Variants in MYOCD observed in about 807,000 individuals in gnomAD.
The protein encoded by MYOCD is myocardin.
Under a neutral mutation model 96.1 loss-of-function variants are expected in MYOCD, and 32 were observed. That is an observed-to-expected ratio of 0.33 (90% CI 0.25 to 0.45). MYOCD has a LOEUF of 0.45. Ranked by LOEUF, MYOCD falls within the 20% of genes least tolerant of loss-of-function variation. The probability of loss-of-function intolerance (pLI) is 1.00; values close to 1 mark genes in which losing one functional copy is unlikely to be tolerated. For missense variants in MYOCD, 1,133 were observed against 1,200.6 expected, an observed-to-expected ratio of 0.94 and a Z score of 0.83; for synonymous variants, 469 against 469.0, an observed-to-expected ratio of 1.00 and a Z score of 0.00.
At chr17:12,749,522 C>G (rs2032765101) in intron 9 of MYOCD, among the ~76,000 whole-genome samples, 1 of 140,748 alleles carries the variant, frequency 7.1e-6, no homozygotes, top group African/African-American at 2.6e-5. Context: ...GAGCGAGACT[C>G]TGTCTCAAAA....
chr17:12,669,075 G>A (rs72811262), intron 1 of MYOCD, among the ~76,000 whole-genome samples: 21,196 of 152,176 alleles, frequency 0.14, 1,716 homozygotes, highest in African/African-American at 0.22. Flanking sequence ...AGGAGAGGCA[G>A]TTTTACATGA....
intron 1 of MYOCD, among the ~76,000 whole-genome samples, chr17:12,689,481 CA>C (rs1398456792): frequency 1.8e-4 from 27 of 152,206 alleles, no homozygotes; most frequent in African/African-American, 5.8e-4. Flanking sequence ...TATTATATGA[CA>C]AACAATATAT....
At chr17:12,727,102 A>T (rs567668024) in intron 5 of MYOCD, among the ~76,000 whole-genome samples, 29 of 152,302 alleles carry the variant, frequency 1.9e-4, no homozygotes, top group African/African-American at 7.0e-4. Context: ...GATGTATAAA[A>T]AGAGAAGAGG....
At chr17:12,713,301 G>A (rs921202367) in intron 2 of MYOCD, among the ~76,000 whole-genome samples, 9 of 152,116 alleles carry the variant, frequency 5.9e-5, no homozygotes, top group African/African-American at 2.2e-4. Context: ...CTACGAAGCT[G>A]AGATACAGGA....
At chr17:12,725,345 A>T (rs908410084) in intron 5 of MYOCD, among the ~76,000 whole-genome samples, 3 of 150,070 alleles carry the variant, frequency 2.0e-5, no homozygotes, top group Non-Finnish European at 4.4e-5. Context: ...AATAAAATAA[A>T]TTACATGTCA....
At chr17:12,734,497 C>T (rs1456611567) in intron 5 of MYOCD, among the ~76,000 whole-genome samples, 1 of 136,840 alleles carries the variant, frequency 7.3e-6, no homozygotes, top group African/African-American at 2.7e-5. Context: ...CAGTAATACA[C>T]ATGATCCTTT....
rs567285355 is a variant in MYOCD, at chr17:12,678,143, A to G, written c.55+11900A>G. On this transcript the variant is annotated intron_variant, in intron 1 of 13. Transcript: ENST00000425538. ...CCTGACCTCGTGATTTGCCCGCCTC[A>G]GCCTCCCAAAGTGCTGGGATTACAG... is the stretch of plus-strand genomic sequence containing the variant. 6.6e-5 allele frequency among the ~76,000 whole-genome samples: 10 copies of G among 152,012 alleles called. No homozygotes were observed. The South Asian group carries it at 1.7e-3, about 25-fold the overall frequency.
intron 4 of MYOCD, among the ~76,000 whole-genome samples, chr17:12,719,603 A>G (rs947305912): frequency 6.6e-6 from 1 of 151,534 alleles, no homozygotes; most frequent in Non-Finnish European, 1.5e-5. Flanking sequence ...CTGTAATCCT[A>G]GCACTTTGGG....
chr17:12,767,279 A>C lies in MYOCD; in HGVS notation c.*3635A>C, dbSNP rs934868629. 1.1e-4 allele frequency: 17 copies of C among 152,206 alleles called. No homozygotes were observed. The highest frequency in any genetic ancestry group is 3.4e-4 in the African/African-American group (14 of 41,466). The allele number at this position is 152,206 out of a possible 1,614,324, so 9.4% of individuals were successfully genotyped here. On this transcript the variant is annotated 3_prime_UTR_variant, in exon 14 of 14. Transcript: ENST00000425538. The stretch of plus-strand genomic sequence containing the variant: ...GAACTGTCAGCCTTTTGCCATTCAA[A>C]AACATTTATGTCCAACCTGAAAAAA...
intron 1 of MYOCD, among the ~76,000 whole-genome samples, chr17:12,689,818 G>A (rs562293128): frequency 1.3e-5 from 2 of 152,270 alleles, no homozygotes; most frequent in Non-Finnish European, 1.5e-5. Flanking sequence ...GTGACAGAGC[G>A]AGACTCAGTC....
intron 1 of MYOCD, among the ~76,000 whole-genome samples, chr17:12,703,724 G>A (rs1292621241): frequency 6.6e-6 from 1 of 151,920 alleles, no homozygotes; most frequent in Non-Finnish European, 1.5e-5. Context: ...TTTAGATATT[G>A]TCACACTAGT....
intron 5 of MYOCD, among the ~76,000 whole-genome samples, chr17:12,725,712 T>C (rs948644781): frequency 6.6e-6 from 1 of 151,588 alleles, no homozygotes; most frequent in Non-Finnish European, 1.5e-5. Context: ...TATTATGTTA[T>C]AATGTCTTAT....
intron 1 of MYOCD, among the ~76,000 whole-genome samples, chr17:12,670,086 C>G (rs1013133825): frequency 6.6e-6 from 1 of 152,054 alleles, no homozygotes; most frequent in South Asian, 2.1e-4. Context: ...GGTCTCTGGT[C>G]GTCTGGCAAG....
intron 1 of MYOCD, among the ~76,000 whole-genome samples, chr17:12,686,035 T>G (rs1217970631): frequency 6.6e-6 from 1 of 152,194 alleles, no homozygotes; most frequent in Non-Finnish European, 1.5e-5. Context: ...ACCCTTAACC[T>G]CTTAGATCCC....
At chr17:12,690,086 T>A (rs2030364151) in intron 1 of MYOCD, among the ~76,000 whole-genome samples, 1 of 151,862 alleles carries the variant, frequency 6.6e-6, no homozygotes, top group Non-Finnish European at 1.5e-5. Context: ...AAAGGCAAAC[T>A]AAAAAAACCA....
chr17:12,703,942 T>C (rs1414613271), intron 1 of MYOCD, among the ~76,000 whole-genome samples: 2 of 152,220 alleles, frequency 1.3e-5, no homozygotes, highest in African/African-American at 2.4e-5. Context: ...TTTCCTATTT[T>C]TTGTCCATTT....
intron 9 of MYOCD, among the ~76,000 whole-genome samples, chr17:12,748,896 C>CTATAA (rs138731796): frequency 0.035 from 5,390 of 152,116 alleles, 219 homozygotes; most frequent in East Asian, 0.19. Flanking sequence ...TCAATCCTTT[C>CTATAA]CTTTTAGCTG....
intron 9 of MYOCD, among the ~76,000 whole-genome samples, chr17:12,746,811 C>T (rs1051463432): frequency 7.1e-6 from 1 of 141,822 alleles, no homozygotes; most frequent in Non-Finnish European, 1.5e-5. Context: ...TCACTGCAAG[C>T]TCTGCTTCCC....
chr17:12,687,703 G>T (rs1019686987), intron 1 of MYOCD, among the ~76,000 whole-genome samples: 1 of 151,966 alleles, frequency 6.6e-6, no homozygotes, highest in Non-Finnish European at 1.5e-5. Context: ...TAGAAAATAC[G>T]ACCATTCTTT....
Sources: gnomAD v4.1 joint callset for allele counts (sites outside exome capture counted in the v4.1 genomes callset) on GRCh38, gnomAD v4.1.1 for gene constraint, MANE v1.5 for transcripts, NCBI Gene and HGNC (gene_info 2026-07-23, HGNC 2026-07-21) for gene names.